The following TSPAN14 variants were observed in gnomAD, a reference collection of about 807,000 sequenced individuals.
The protein encoded by TSPAN14 is tetraspanin-14.
In TSPAN14, 16 loss-of-function variants were observed where a neutral mutation model predicts 36.6. The observed-to-expected ratio is 0.44, with a 90% CI of 0.30 to 0.66. The LOEUF is 0.66. Ranked by LOEUF, TSPAN14 falls within the 30% of genes least tolerant of loss-of-function variation. The probability of loss-of-function intolerance (pLI) is 0.12; values close to 1 mark genes in which losing one functional copy is unlikely to be tolerated. For missense variants in TSPAN14, 231 were observed against 355.1 expected, an observed-to-expected ratio of 0.65 and a Z score of 2.81; for synonymous variants, 139 against 143.8, an observed-to-expected ratio of 0.97 and a Z score of 0.24.
intron 1 of TSPAN14, among the ~76,000 whole-genome samples, chr10:80,475,386 T>C (rs1846800516): frequency 1.3e-5 from 2 of 152,188 alleles, no homozygotes; most frequent in African/African-American, 2.4e-5. Context: ...GGCAACATAG[T>C]GAAACCCTAT....
At chr10:80,486,125 G>A (rs1388939792) in intron 1 of TSPAN14, among the ~76,000 whole-genome samples, 1 of 152,234 alleles carries the variant, frequency 6.6e-6, no homozygotes, top group African/African-American at 2.4e-5. Flanking sequence ...TCTCTGACGG[G>A]TGTAGGTGTG....
chr10:80,487,076 A>T (rs1847646418), intron 1 of TSPAN14, among the ~76,000 whole-genome samples: 1 of 152,230 alleles, frequency 6.6e-6, no homozygotes, highest in African/African-American at 2.4e-5. Flanking sequence ...TACACAAAAA[A>T]TTAACAAACC....
At position 80,476,914 on chromosome 10, in the gene TSPAN14, A is replaced by T. The variant is rs967277207; in HGVS notation, c.-17-12303A>T. 5.3e-5 allele frequency among the ~76,000 whole-genome samples: 8 copies of T among 152,258 alleles called. No individual in the cohort carries two copies. The East Asian group carries it at 1.5e-3, about 29-fold the overall frequency. On this transcript the variant is annotated intron_variant, in intron 1 of 8. Coordinates refer to ENST00000429989, the Ensembl canonical transcript of TSPAN14. The stretch of plus-strand genomic sequence containing the variant: ...TAGGGTCTCACAAAGCCCAAATCAA[A>T]TTGTTGGCAGGGCTGTGCTTCTCTC...
At chr10:80,521,319 G>A (rs956512940) in exon 9 of TSPAN14, 52 of 159,942 alleles carry the variant, frequency 3.3e-4, no homozygotes, top group Admixed American at 8.8e-4. Context: ...TGCTGTCATG[G>A]GAAGGTCTCC....
chr10:80,475,662 A>C (rs1846829070), intron 1 of TSPAN14, among the ~76,000 whole-genome samples: 1 of 152,104 alleles, frequency 6.6e-6, no homozygotes, highest in African/African-American at 2.4e-5. Flanking sequence ...ATCTTGGCTC[A>C]CTGCAACTTC....
intron 4 of TSPAN14, among the ~76,000 whole-genome samples, chr10:80,507,986 G>A (rs571831707): frequency 1.4e-4 from 21 of 151,748 alleles, no homozygotes; most frequent in African/African-American, 4.8e-4. Flanking sequence ...GCAAAACTAT[G>A]GGCTTTTTGT....
intron 2 of TSPAN14, among the ~76,000 whole-genome samples, chr10:80,500,369 G>T (rs907675347): frequency 1.7e-5 from 2 of 118,744 alleles, no homozygotes; most frequent in Non-Finnish European, 3.3e-5. Context: ...TGCTCTTGCT[G>T]CCCAGGCTGG....
At position 80,511,450 on chromosome 10, in the gene TSPAN14, C is replaced by T. The variant is rs571015357; in HGVS notation, c.451-694C>T. On this transcript the variant is annotated intron_variant, in intron 5 of 8. Transcript: ENST00000429989. ...CAAGTAGAGGACCACACCAAGGTGC[C>T]GAGGGGGCCACAAAGGAGAGGACGC... is the stretch of plus-strand genomic sequence containing the variant. Among the ~76,000 whole-genome samples the T allele has an allele frequency of 4.6e-5, 7 of 152,188 alleles. No homozygotes were observed. The East Asian group carries it at 7.8e-4, about 17-fold the overall frequency.
chr10:80,510,886 A>C (rs1034988344), intron 5 of TSPAN14, among the ~76,000 whole-genome samples: 1 of 152,220 alleles, frequency 6.6e-6, no homozygotes, highest in Non-Finnish European at 1.5e-5. Flanking sequence ...AAAAAAGATA[A>C]AATAAATAAA....
At chr10:80,518,008 C>T (rs779885144) in exon 9 of TSPAN14, 56 of 1,550,844 alleles carry the variant, frequency 3.6e-5, no homozygotes, top group East Asian at 1.9e-4. Flanking sequence ...AGCTGAGCCA[C>T]GCTGGGAGGC....
intron 1 of TSPAN14, among the ~76,000 whole-genome samples, chr10:80,484,211 C>T (rs920846737): frequency 2.0e-5 from 3 of 151,510 alleles, no homozygotes; most frequent in Non-Finnish European, 4.4e-5. Flanking sequence ...CCACTGCACT[C>T]CAGCTTGGGC....
At chr10:80,483,841 C>G (rs1050095625) in intron 1 of TSPAN14, among the ~76,000 whole-genome samples, 1 of 124,434 alleles carries the variant, frequency 8.0e-6, no homozygotes, top group African/African-American at 3.0e-5. Flanking sequence ...ACCCGGGAGG[C>G]GGAGGTTGCA....
At chr10:80,492,451 G>A (rs1381948342) in intron 2 of TSPAN14, among the ~76,000 whole-genome samples, 1 of 152,206 alleles carries the variant, frequency 6.6e-6, no homozygotes, top group Admixed American at 6.5e-5. Context: ...AAGGCAACTT[G>A]TTGCTTCTGT....
chr10:80,462,723 T>C (rs947267973), intron 1 of TSPAN14, among the ~76,000 whole-genome samples: 2 of 152,158 alleles, frequency 1.3e-5, no homozygotes, highest in African/African-American at 4.8e-5. Flanking sequence ...ACATGGAGTT[T>C]AGTGGTTAGG....
At chr10:80,475,636 G>C (rs531157412) in intron 1 of TSPAN14, among the ~76,000 whole-genome samples, 151 of 152,262 alleles carry the variant, frequency 9.9e-4, no homozygotes, top group Non-Finnish European at 1.3e-3. Context: ...TGCCCAGGCT[G>C]GAGTGCAGTG....
chr10:80,472,717 G>A (rs1429365800), intron 1 of TSPAN14, among the ~76,000 whole-genome samples: 4 of 151,952 alleles, frequency 2.6e-5, no homozygotes, highest in Non-Finnish European at 5.9e-5. Context: ...CTTCTTTCCT[G>A]TTTATTTATC....
intron 1 of TSPAN14, among the ~76,000 whole-genome samples, chr10:80,475,745 C>A (rs1256530463): frequency 2.0e-5 from 3 of 152,196 alleles, no homozygotes; most frequent in Admixed American, 2.0e-4. Flanking sequence ...TGCCACCACA[C>A]CCAGCTAATT....
At chr10:80,458,666 G>A (rs563132724) in intron 1 of TSPAN14, among the ~76,000 whole-genome samples, 15 of 152,302 alleles carry the variant, frequency 9.8e-5, no homozygotes, top group South Asian at 4.1e-4. Context: ...GAATGCCAGC[G>A]TTTCAGTTTG....
intron 3 of TSPAN14, among the ~76,000 whole-genome samples, chr10:80,505,775 G>T (rs1057111503): frequency 6.6e-6 from 1 of 152,212 alleles, no homozygotes; most frequent in East Asian, 1.9e-4. Flanking sequence ...GACTGCAGCC[G>T]CCTAACTGGG....
Sources: gnomAD v4.1 joint callset for allele counts (sites outside exome capture counted in the v4.1 genomes callset) on GRCh38, gnomAD v4.1.1 for gene constraint, MANE v1.5 for transcripts, NCBI Gene and HGNC (gene_info 2026-07-23, HGNC 2026-07-21) for gene names.